The following ARL15 variants were observed in gnomAD, a reference collection of about 807,000 sequenced individuals.
ARL15 encodes ARF like GTPase 15.
In ARL15, 19 loss-of-function variants were observed where a neutral mutation model predicts 25.2. That is an observed-to-expected ratio of 0.75 (90% CI 0.53 to 1.10). The LOEUF is 1.10. ARL15 is among the 50% of genes least tolerant of loss of function. The probability of loss-of-function intolerance (pLI) is 0.00; values close to 1 mark genes in which losing one functional copy is unlikely to be tolerated. For synonymous variants in ARL15, 94 were observed against 86.8 expected (o/e 1.08, Z -0.46); for missense variants, 220 against 246.0 (o/e 0.89, Z 0.71).
At chr5:53,914,472 CTTCT>C (rs1434829621) in intron 4 of ARL15, among the ~76,000 whole-genome samples, 1 of 152,188 alleles carries the variant, frequency 6.6e-6, no homozygotes, top group Non-Finnish European at 1.5e-5. Context: ...TGTCACTTCC[CTTCT>C]TTGTTTTCCT....
At chr5:54,116,730 A>G (rs1752911288) in intron 3 of ARL15, among the ~76,000 whole-genome samples, 2 of 152,218 alleles carry the variant, frequency 1.3e-5, no homozygotes, top group African/African-American at 2.4e-5. Flanking sequence ...TCTAATGACT[A>G]TCATGAGGTA....
intron 3 of ARL15, among the ~76,000 whole-genome samples, chr5:54,124,040 A>C (rs1417880649): frequency 6.6e-6 from 1 of 152,162 alleles, no homozygotes; most frequent in Non-Finnish European, 1.5e-5. Context: ...GAAAAGGGAG[A>C]GAGACAGTGT....
chr5:54,036,360 A>G (rs1266093199), intron 4 of ARL15, among the ~76,000 whole-genome samples: 4 of 152,218 alleles, frequency 2.6e-5, no homozygotes, highest in Non-Finnish European at 5.9e-5. Context: ...CAGTAATAAT[A>G]TCAATATGTT....
intron 3 of ARL15, among the ~76,000 whole-genome samples, chr5:54,118,101 T>C (rs531993891): frequency 1.4e-4 from 22 of 152,310 alleles, no homozygotes; most frequent in Admixed American, 7.8e-4. Context: ...CAATGCAAGT[T>C]AATTAACTGA....
chr5:53,884,259 A>G lies in ARL15; in HGVS notation c.*2302T>C, dbSNP rs1392337218. ...AGCTAGGTGAAGAAATACATAACAG[A>G]CTGTTTTTCCTATATAATATTTGAA... On this transcript the variant is annotated 3_prime_UTR_variant, in exon 5 of 5. Coordinates refer to ENST00000504924, the MANE Select transcript of ARL15 (RefSeq NM_019087.3). 6.6e-6 allele frequency: 1 copy of G among 152,190 alleles called. No homozygotes were observed. The highest frequency in any genetic ancestry group is 1.9e-4 in the East Asian group (1 of 5,188). The allele number at this position is 152,190 out of a possible 1,614,324, so 9.4% of individuals were successfully genotyped here. A position where few individuals can be genotyped will look rare whatever the true frequency, so the allele number is the denominator to read the frequency against.
intron 4 of ARL15, among the ~76,000 whole-genome samples, chr5:54,106,941 C>G (rs1433440661): frequency 6.6e-6 from 1 of 152,156 alleles, no homozygotes; most frequent in African/African-American, 2.4e-5. Flanking sequence ...AGACTACTTC[C>G]TGATGTAATA....
intron 4 of ARL15, among the ~76,000 whole-genome samples, chr5:53,927,575 C>T (rs1239505662): frequency 6.6e-6 from 1 of 152,194 alleles, no homozygotes; most frequent in Non-Finnish European, 1.5e-5. Flanking sequence ...TTGGCACTGT[C>T]CATATCAACT....
chr5:53,984,177 T>C (rs1181467211), intron 4 of ARL15, among the ~76,000 whole-genome samples: 1 of 152,206 alleles, frequency 6.6e-6, no homozygotes, highest in Non-Finnish European at 1.5e-5. Context: ...ATGGACTCAT[T>C]CTCAAAGCCT....
intron 2 of ARL15, among the ~76,000 whole-genome samples, chr5:54,160,303 A>AAT (rs1754366571): frequency 6.6e-6 from 1 of 152,254 alleles, no homozygotes; most frequent in Non-Finnish European, 1.5e-5. Flanking sequence ...ATTTGAAGCT[A>AAT]ATACTGAAGT....
chr5:54,084,235 C>G (rs1367982833), intron 4 of ARL15, among the ~76,000 whole-genome samples: 2 of 152,122 alleles, frequency 1.3e-5, no homozygotes, highest in Admixed American at 1.3e-4. Context: ...CAGAAGGGGT[C>G]TAGAAGGCCT....
chr5:53,884,531 T>C lies in ARL15; in HGVS notation c.*2030A>G, dbSNP rs1375218071. 2.0e-5 allele frequency: 3 copies of C among 152,094 alleles called. No homozygotes were observed. The highest frequency in any genetic ancestry group is 6.6e-5 in the Admixed American group (1 of 15,250). 9.4% of individuals were successfully genotyped at this position (152,094 alleles called of 1,614,324 possible). A position where few individuals can be genotyped will look rare whatever the true frequency, so the allele number is the denominator to read the frequency against. On this transcript the variant is annotated 3_prime_UTR_variant, in exon 5 of 5. Coordinates refer to ENST00000504924, the MANE Select transcript of ARL15 (RefSeq NM_019087.3). Reference sequence around the variant, plus strand: ...ACAAAGAGGGAGCCTTATTGACAGTTGTAAAGCATTAGGCGTCAGACAGAA... The same window carrying C: ...ACAAAGAGGGAGCCTTATTGACAGTCGTAAAGCATTAGGCGTCAGACAGAA...
chr5:54,212,095 C>T (rs1579915761), intron 1 of ARL15, among the ~76,000 whole-genome samples: 1 of 152,236 alleles, frequency 6.6e-6, no homozygotes. Context: ...GCCATATAGT[C>T]TCCGTCACAA....
chr5:54,087,904 G>A (rs1579785331), intron 4 of ARL15, among the ~76,000 whole-genome samples: 2 of 152,164 alleles, frequency 1.3e-5, no homozygotes, highest in East Asian at 3.8e-4. Context: ...TTGAACTCCT[G>A]ACCTCAAGTG....
At chr5:54,212,445 T>A (rs1756070168) in intron 1 of ARL15, among the ~76,000 whole-genome samples, 1 of 151,678 alleles carries the variant, frequency 6.6e-6, no homozygotes, top group Admixed American at 6.6e-5. Flanking sequence ...GCAGACCCCC[T>A]CCCCCATAAG....
At chr5:54,243,706 A>G (rs772700129) in intron 1 of ARL15, among the ~76,000 whole-genome samples, 9 of 152,200 alleles carry the variant, frequency 5.9e-5, no homozygotes, top group Non-Finnish European at 1.2e-4. Context: ...ACATCTTCCC[A>G]ATTCTGATTT....
intron 1 of ARL15, among the ~76,000 whole-genome samples, chr5:54,261,518 A>AT (rs1159719208): frequency 6.6e-6 from 1 of 152,078 alleles, no homozygotes; most frequent in Non-Finnish European, 1.5e-5. Flanking sequence ...TGAACTGGAC[A>AT]TATGTTGGGT....
At chr5:54,069,230 T>C (rs1031624025) in intron 4 of ARL15, among the ~76,000 whole-genome samples, 13 of 152,002 alleles carry the variant, frequency 8.6e-5, no homozygotes, top group Admixed American at 2.6e-4. Context: ...AAAACATAAT[T>C]GTATGTACTA....
intron 4 of ARL15, among the ~76,000 whole-genome samples, chr5:54,044,263 A>C (rs1371508686): frequency 9.5e-6 from 1 of 105,032 alleles, no homozygotes; most frequent in East Asian, 2.5e-4. Flanking sequence ...TTTTTTTTTG[A>C]GACAGAGTCT....
chr5:54,272,076 T>TA (rs1476133393), intron 1 of ARL15, among the ~76,000 whole-genome samples: 1 of 146,962 alleles, frequency 6.8e-6, no homozygotes, highest in East Asian at 2.0e-4. Context: ...CCTGAATAGC[T>TA]AGGCCTATAG....
Sources: gnomAD v4.1 joint callset for allele counts (sites outside exome capture counted in the v4.1 genomes callset) on GRCh38, gnomAD v4.1.1 for gene constraint, MANE v1.5 for transcripts, NCBI Gene and HGNC (gene_info 2026-07-23, HGNC 2026-07-21) for gene names.